Variants in ENAH observed in about 807,000 individuals in gnomAD.
The protein encoded by ENAH is protein enabled homolog.
A neutral mutation model predicts 78.7 loss-of-function variants in ENAH; 23 were observed. The ratio of observed to expected loss-of-function variants is 0.29; its 90% CI spans 0.21 to 0.41. ENAH has a LOEUF of 0.41. ENAH is among the 10% of genes least tolerant of loss of function. The pLI is 1.00. For synonymous variants in ENAH, 226 were observed against 241.0 expected (o/e 0.94, Z 0.58); for missense variants, 544 against 691.0 (o/e 0.79, Z 2.39).
chr1:225,501,290 G>C (rs903775285), intron 11 of ENAH: 1 of 458,216 alleles, frequency 2.2e-6, no homozygotes, highest in African/African-American at 2.0e-5. Flanking sequence ...ACTAGAAAAA[G>C]GTGACAAGAT....
At chr1:225,596,329 T>C (rs1017447809) in intron 1 of ENAH, among the ~76,000 whole-genome samples, 11 of 152,222 alleles carry the variant, frequency 7.2e-5, no homozygotes, top group African/African-American at 2.7e-4. Context: ...CCCACATGAC[T>C]GATCCTTCTA....
intron 1 of ENAH, among the ~76,000 whole-genome samples, chr1:225,608,579 G>A (rs887577250): frequency 2.0e-5 from 3 of 151,820 alleles, no homozygotes; most frequent in Non-Finnish European, 4.4e-5. Flanking sequence ...ACTTTGGAAG[G>A]CAGAGGCGGG....
In ENAH at chr1:225,517,273, G is replaced by A. The variant is rs2096427991; in HGVS notation, c.836C>T (p.Ser279Phe). The A allele has an allele frequency of 1.3e-6, 2 of 1,551,808 alleles. No individual in the cohort carries two copies. Among genetic ancestry groups the A allele is most frequent in the African/African-American group, 2.7e-5 (2 of 73,216 alleles). Residue 279 changes from serine (S) to phenylalanine (F), a missense_variant, in exon 6 of 14, where the codon TCT becomes TTT. Ser to Phe is a radical substitution (Grantham distance 155). This residue lies in a region of ENAH where 366 missense variants were observed against 396.1 expected (regional missense o/e 0.92). Transcript: ENST00000366843. ...AGAAGCAGAAGAGTCTCCCAGCACAGAGTTTAGAGGAGTCTCAACAGAGGC... is the reference window on the plus strand; with the variant it reads ...AGAAGCAGAAGAGTCTCCCAGCACAAAGTTTAGAGGAGTCTCAACAGAGGC... ...APASVETPLN[S>F]VLGDSSASEP...
chr1:225,608,220 GAA>G (rs60998592), intron 1 of ENAH, among the ~76,000 whole-genome samples: 1,381 of 91,286 alleles, frequency 0.015, 12 homozygotes, highest in African/African-American at 0.035. Flanking sequence ...ATAAAAAACA[GAA>G]AAAAAAAAAA....
At chr1:225,507,182 G>T (rs1365602386) in intron 11 of ENAH, among the ~76,000 whole-genome samples, 6 of 151,952 alleles carry the variant, frequency 3.9e-5, no homozygotes. Flanking sequence ...CTTGTTTCTG[G>T]ATACTATCTT....
At position 225,519,468 on chromosome 1, in the gene ENAH, T is replaced by C. The variant is rs1455605317; in HGVS notation, c.532A>G (p.Arg178Gly). The change falls in exon 5 of 14, where the codon AGG (arginine) becomes GGG (glycine). Residue 178 changes from arginine to glycine, a missense_variant. Transcript: ENST00000366843. ...AGTCGCTCCCTCTCCAGCCTTTCCC[T>C]TTCTAACCTCTCTCTCTCCAACCTT... ...RERLERERLE[R>G]ERLERERLEQ... 3.1e-6 allele frequency: 5 copies of C among 1,611,508 alleles called. No homozygotes were observed. Among genetic ancestry groups the C allele is most frequent in the South Asian group, 2.2e-5 (2 of 90,938 alleles).
chr1:225,645,329 C>CAT (rs1575854147), intron 1 of ENAH, among the ~76,000 whole-genome samples: 1 of 152,164 alleles, frequency 6.6e-6, no homozygotes, highest in East Asian at 1.9e-4. Context: ...TTTCACTTAG[C>CAT]ATAATGCTTC....
chr1:225,535,681 C>T, intron 3 of ENAH: 1 of 335,386 alleles, frequency 3.0e-6, no homozygotes, highest in Non-Finnish European at 5.8e-6. Context: ...TACGTCCTAT[C>T]TAGATCCTCA....
rs147001433 is a variant in ENAH at position 225,501,371 on chromosome 1, G to A, written c.1539-301C>T. On this transcript the variant is annotated intron_variant, in intron 11 of 13. Transcript: ENST00000366843. ...ATGAGGTAACCAGGTAACGTGGCAC[G>A]TTGACCAAAACAGTGATGAAGAGGC... The A allele has an allele frequency of 7.0e-3, 1,925 of 275,978 alleles. 13 individuals carry two copies. The highest frequency in any genetic ancestry group is 0.026 in the Middle Eastern group (25 of 968). 17.1% of individuals were successfully genotyped at this position (275,978 alleles called of 1,614,324 possible).
chr1:225,620,349 A>C (rs1002044469), intron 1 of ENAH, among the ~76,000 whole-genome samples: 10 of 152,008 alleles, frequency 6.6e-5, no homozygotes, highest in African/African-American at 2.4e-4. Flanking sequence ...AACATGGTGA[A>C]ACCCCGTATC....
chr1:225,599,451 C>T (rs113794615), intron 1 of ENAH, among the ~76,000 whole-genome samples: 1,748 of 152,164 alleles, frequency 0.011, 28 homozygotes, highest in African/African-American at 0.039. Flanking sequence ...ATTCACACTG[C>T]GGAGTAAAGT....
chr1:225,593,964 T>C (rs2096890346), intron 1 of ENAH, among the ~76,000 whole-genome samples: 1 of 152,194 alleles, frequency 6.6e-6, no homozygotes, highest in Non-Finnish European at 1.5e-5. Context: ...AGTAACCAAA[T>C]TGATGGGCCT....
chr1:225,566,052 C>CCCCAACAGTTTCAG (rs2096733406), intron 2 of ENAH, among the ~76,000 whole-genome samples: 1 of 152,032 alleles, frequency 6.6e-6, no homozygotes. Context: ...TTACCACGTG[C>CCCCAACAGTTTCAG]CCCAACAGTT....
rs1273514606 is a variant in ENAH at position 225,497,805 on chromosome 1, C to T, written c.1683G>A (p.Arg561=). Residue 561 remains arginine, a synonymous_variant, in exon 14 of 14, where the codon AGG becomes AGA. Coordinates refer to ENST00000366843, the MANE Select transcript of ENAH (RefSeq NM_018212.6). ...CAGTATTTGACTTGCTCAGTTCCTG[C>T]CTGATTGCTGGATGGAAAAGAACAA... ...KLKEELIDAI[R]QELSKSNTA is the part of the protein sequence containing the mutation. 5 of 1,611,766 alleles carry T rather than the reference C, an allele frequency of 3.1e-6. No individual in the cohort carries two copies. The Admixed American group carries it at 8.3e-5, about 27-fold the overall frequency.
intron 1 of ENAH, among the ~76,000 whole-genome samples, chr1:225,599,703 G>C (rs536677124): frequency 6.6e-6 from 1 of 150,892 alleles, no homozygotes. Context: ...GACTGAGGCA[G>C]GAGAATCACT....
chr1:225,564,818 T>C (rs12568642), intron 2 of ENAH, among the ~76,000 whole-genome samples: 5,027 of 152,076 alleles, frequency 0.033, 112 homozygotes, highest in East Asian at 0.092. Flanking sequence ...AATATTTTCT[T>C]CTGTTTTCTT....
chr1:225,554,883 C>A, intron 3 of ENAH, 23 bp downstream of exon 3: 2 of 1,464,870 alleles, frequency 1.4e-6, no homozygotes, highest in South Asian at 1.5e-5. Flanking sequence ...AAAGAAAATA[C>A]AAATAAACCA....
chr1:225,637,606 C>T (rs1460388882), intron 1 of ENAH, among the ~76,000 whole-genome samples: 1 of 152,084 alleles, frequency 6.6e-6, no homozygotes, highest in Non-Finnish European at 1.5e-5. Context: ...GAACTTAGTT[C>T]TAAGTAATGC....
intron 3 of ENAH, chr1:225,535,391 C>CTA (rs771232539): frequency 2.9e-5 from 14 of 484,940 alleles, no homozygotes; most frequent in Non-Finnish European, 3.2e-5. Flanking sequence ...CAATAGCTTG[C>CTA]TATATATCCC....
Sources: allele counts gnomAD v4.1 joint callset (sites outside exome capture counted in the v4.1 genomes callset), GRCh38; gene constraint gnomAD v4.1.1; regional missense constraint gnomAD v4.1.1; transcripts MANE v1.5; gene names NCBI Gene and HGNC (gene_info 2026-07-23, HGNC 2026-07-21).